Variants in OR5B2 observed in about 807,000 individuals in gnomAD.
OR5B2 encodes the protein olfactory receptor family 5 subfamily B member 2, also known as olfactory receptor 5B2.
For synonymous variants in OR5B2, 163 were observed against 140.8 expected, an observed-to-expected ratio of 1.16 and a Z score of -1.11; for missense variants, 411 against 367.0, an observed-to-expected ratio of 1.12 and a Z score of -0.98.
Position 58,427,736 on chromosome 11 carries a change from G to A in OR5B2, c.-84+283C>T, listed in dbSNP as rs1341614669. ...AATCAGTCCCTCCATATGTGAGAGG[G>A]GGAGTGCTCCACAATACACATACCC... On this transcript the variant is annotated intron_variant, in intron 1 of 2. Transcript: ENST00000641342. Among the ~76,000 whole-genome samples, 8 of 152,142 alleles carry A rather than the reference G, an allele frequency of 5.3e-5. 1 individual carries two copies. In the East Asian group the frequency reaches 1.5e-3, roughly 29 times the overall value.
At chr11:58,425,333 C>CTCTA (rs1277434218) in intron 2 of OR5B2, among the ~76,000 whole-genome samples, 1 of 151,932 alleles carries the variant, frequency 6.6e-6, no homozygotes, top group Non-Finnish European at 1.5e-5. Flanking sequence ...GTTTTGACAT[C>CTCTA]TCTATACTCC....
chr11:58,422,820 C>T lies in OR5B2; in HGVS notation c.442G>A (p.Val148Ile), dbSNP rs759864188. 6.2e-7 allele frequency: 1 copy of T among 1,613,592 alleles called. No individual in the cohort carries two copies. The highest frequency in any genetic ancestry group is 8.5e-7 in the Non-Finnish European group (1 of 1,179,868). ...VGACLALGSY[V>I]CGFLNASFHI... is the part of the protein sequence containing the mutation. The stretch of plus-strand genomic sequence containing the variant: ...AATGAGGCATTTAGGAAGCCACAGA[C>T]ATATGAGCCTAGGGCCAGACAGGCA... The change falls in exon 3 of 3, where the codon GTC becomes ATC. Residue 148 changes from valine (V) to isoleucine (I), a missense_variant. Transcript: ENST00000641342.
At position 58,422,583 on chromosome 11, in the gene OR5B2, G is replaced by T. The variant is rs780927831; in HGVS notation, c.679C>A (p.His227Asn). Reference protein sequence around the residue: ...LFIFITILKMHSAKGHQKALS... With the variant: ...LFIFITILKMNSAKGHQKALS... ...GCTTTTTGGTGTCCCTTAGCTGAATGCATCTTCAAGATGGTGATGAATATG... is the reference window on the plus strand; with the variant it reads ...GCTTTTTGGTGTCCCTTAGCTGAATTCATCTTCAAGATGGTGATGAATATG... The change falls in exon 3 of 3, where the codon CAT becomes AAT. Residue 227 changes from histidine to asparagine, a missense_variant. Coordinates refer to ENST00000641342, the MANE Select transcript of OR5B2 (RefSeq NM_001005566.3). 6.2e-7 allele frequency: 1 copy of T among 1,613,516 alleles called. No homozygotes were observed. Among genetic ancestry groups the T allele is most frequent in the Non-Finnish European group, 8.5e-7 (1 of 1,179,634 alleles).
Position 58,422,276 on chromosome 11 carries a change from G to T in OR5B2, c.*56C>A, listed in dbSNP as rs1244128075. 3.7e-6 allele frequency: 4 copies of T among 1,089,222 alleles called. No homozygotes were observed. The highest frequency in any genetic ancestry group is 5.5e-6 in the Non-Finnish European group (4 of 728,730). 67.5% of individuals were successfully genotyped at this position (1,089,222 alleles called of 1,614,324 possible). ...AAATGTAACTCATTGCATGAGGAAA[G>T]TCTGAGATGAGGGAAACAACATTTT... On this transcript the variant is annotated 3_prime_UTR_variant, in exon 3 of 3. Transcript: ENST00000641342.
rs1230927878 is a variant in OR5B2, at chr11:58,423,120, G to T, written c.142C>A (p.Leu48Met). Residue 48 changes from leucine to methionine, a missense_variant, in exon 3 of 3, where the codon CTG becomes ATG. Leu to Met is a conservative substitution (Grantham distance 15, BLOSUM62 2). Transcript: ENST00000641342. The stretch of plus-strand genomic sequence containing the variant: ...GGGGTGTGGAGACAAGAGTCCATCA[G>T]GATCAGCAACATCATCCCCAGGTTC... ...CGNLGMMLLI[L>M]MDSCLHTPMY... 22 of 1,613,716 alleles carry T rather than the reference G, an allele frequency of 1.4e-5. No individual in the cohort carries two copies. Among genetic ancestry groups the T allele is most frequent in the Non-Finnish European group, 1.8e-5 (21 of 1,179,798 alleles).
intron 2 of OR5B2, among the ~76,000 whole-genome samples, chr11:58,426,368 C>G (rs1855338477): frequency 6.6e-6 from 1 of 152,018 alleles, no homozygotes; most frequent in South Asian, 2.1e-4. Context: ...CTGTTGCCCT[C>G]TAAGCATATG....
Position 58,424,019 on chromosome 11 carries a change from T to C in OR5B2, c.-28-730A>G, listed in dbSNP as rs548504644. ...TCTGAGGGGAAGGCAGCATCAGATA[T>C]AGAGTTTGGGATTGGGAAGAGGTGC... On this transcript the variant is annotated intron_variant, in intron 2 of 2. Coordinates refer to ENST00000641342, the MANE Select transcript of OR5B2 (RefSeq NM_001005566.3). Among the ~76,000 whole-genome samples the C allele has an allele frequency of 2.2e-4, 33 of 152,260 alleles. 1 individual carries two copies. The South Asian group carries it at 4.1e-3, about 19-fold the overall frequency.
At chr11:58,424,901 ATTG>A (rs1038564244) in intron 2 of OR5B2, among the ~76,000 whole-genome samples, 3 of 152,134 alleles carry the variant, frequency 2.0e-5, no homozygotes, top group African/African-American at 7.2e-5. Context: ...GATAAGTATT[ATTG>A]TTATTACTAT....
chr11:58,425,777 A>G (rs1855329615), intron 2 of OR5B2, among the ~76,000 whole-genome samples: 1 of 152,146 alleles, frequency 6.6e-6, no homozygotes, highest in Non-Finnish European at 1.5e-5. Flanking sequence ...TTAGCATAAA[A>G]AAATAGAAAG....
In OR5B2 at chr11:58,423,222, C is replaced by T. The variant is rs1454787758; in HGVS notation, c.40G>A (p.Gly14Arg). The change falls in exon 3 of 3, where the codon GGA (glycine) becomes AGA (arginine). Residue 14 changes from glycine to arginine, a missense_variant. Transcript: ENST00000641342. ...CTEVTKFILL[G>R]LTSVPELQIP... Reference sequence around the variant, plus strand: ...TGTAGTTCTGGGACACTGGTTAGTCCTAGAAGAATGAACTTTGTCACTTCC... The same window carrying T: ...TGTAGTTCTGGGACACTGGTTAGTCTTAGAAGAATGAACTTTGTCACTTCC... 1 of 1,608,970 alleles carries T rather than the reference C, an allele frequency of 6.2e-7. No homozygotes were observed. Among genetic ancestry groups the T allele is most frequent in the Non-Finnish European group, 8.5e-7 (1 of 1,177,238 alleles).
chr11:58,427,724 A>T (rs1427818824), intron 1 of OR5B2, among the ~76,000 whole-genome samples: 3 of 152,166 alleles, frequency 2.0e-5, no homozygotes, highest in African/African-American at 7.2e-5. Context: ...CAGTCCCTCC[A>T]TATGTGAGAG....
rs1472881582 is a variant in OR5B2, at chr11:58,421,589, A to T, written c.*743T>A. The stretch of plus-strand genomic sequence containing the variant: ...TAGAGCAGTGAAACTACTCAATATG[A>T]TACTATAATGATAAATAGATGTCAT... On this transcript the variant is annotated 3_prime_UTR_variant, in exon 3 of 3. Coordinates refer to ENST00000641342, the MANE Select transcript of OR5B2 (RefSeq NM_001005566.3). 6.6e-6 allele frequency: 1 copy of T among 152,144 alleles called. No individual in the cohort carries two copies. The highest frequency in any genetic ancestry group is 6.6e-5 in the Admixed American group (1 of 15,254). The allele number at this position is 152,144 out of a possible 1,614,324, so 9.4% of individuals were successfully genotyped here. A position where few individuals can be genotyped will look rare whatever the true frequency, so the allele number is the denominator to read the frequency against.
intron 2 of OR5B2, among the ~76,000 whole-genome samples, chr11:58,425,972 A>G (rs1855332254): frequency 6.6e-6 from 1 of 152,150 alleles, no homozygotes. Flanking sequence ...GTGCAAAGTT[A>G]GGCATGAGAC....
chr11:58,426,383 T>G (rs1644239053), intron 2 of OR5B2, among the ~76,000 whole-genome samples: 3 of 152,098 alleles, frequency 2.0e-5, no homozygotes, highest in Admixed American at 2.0e-4. Context: ...CATATGAATT[T>G]TAAATGATGA....
At position 58,422,368 on chromosome 11, in the gene OR5B2, T is replaced by C; in HGVS notation, c.894A>G (p.Ala298=). The change falls in exon 3 of 3, where the codon GCA becomes GCG. Residue 298 remains alanine (A), a synonymous_variant. Transcript: ENST00000641342. ...YSLRNREVQN[A]FKKVLRRQKF... Reference sequence around the variant, plus strand: ...TTTGCCTTCTCAACACTTTCTTGAATGCATTCTGGACTTCTCTGTTCCTCA... The same window carrying C: ...TTTGCCTTCTCAACACTTTCTTGAACGCATTCTGGACTTCTCTGTTCCTCA... 6.2e-7 allele frequency: 1 copy of C among 1,610,750 alleles called. No homozygotes were observed.
intron 2 of OR5B2, 25 bp from the exon 3 acceptor site, chr11:58,423,314 T>G: frequency 9.0e-7 from 1 of 1,107,664 alleles, no homozygotes; most frequent in Non-Finnish European, 1.3e-6. Flanking sequence ...AATAAAGCAA[T>G]AGAGTGATAA....
At chr11:58,427,699 T>A (rs1855353909) in intron 1 of OR5B2, among the ~76,000 whole-genome samples, 1 of 152,084 alleles carries the variant, frequency 6.6e-6, no homozygotes, top group Non-Finnish European at 1.5e-5. Context: ...GCAGCCCAAA[T>A]GGAAAACTGT....
chr11:58,425,882 T>C (rs1044737060), intron 2 of OR5B2, among the ~76,000 whole-genome samples: 10 of 152,128 alleles, frequency 6.6e-5, no homozygotes, highest in Non-Finnish European at 1.5e-4. Flanking sequence ...CAGTCATACA[T>C]TATGGGTCAC....
chr11:58,427,622 T>C (rs1474704020), intron 1 of OR5B2, among the ~76,000 whole-genome samples: 1 of 152,134 alleles, frequency 6.6e-6, no homozygotes, highest in Non-Finnish European at 1.5e-5. Context: ...TGCATCCAAG[T>C]AGAAACATGA....
Sources: allele counts gnomAD v4.1 joint callset (sites outside exome capture counted in the v4.1 genomes callset), GRCh38; gene constraint gnomAD v4.1.1; transcripts MANE v1.5; gene names NCBI Gene and HGNC (gene_info 2026-07-23, HGNC 2026-07-21).